Variants in ZNF469 observed in about 807,000 individuals in gnomAD.
ZNF469 encodes the protein zinc finger protein 469.
In ZNF469, 1 loss-of-function variant was observed where a neutral mutation model predicts 1.0. The ratio of observed to expected loss-of-function variants is 1.00; its 90% confidence interval spans 0.35 to 4.73. The LOEUF is 4.73. ZNF469 is among the 30% of genes most tolerant of loss of function. The pLI is 0.16. For synonymous variants in ZNF469, 2,703 were observed against 2,363.4 expected (o/e 1.14, Z -4.17); for missense variants, 6,100 against 5,356.3 (o/e 1.14, Z -4.33).
the ZNF469 span, among the ~76,000 whole-genome samples, chr16:88,283,996 G>A: frequency 3.0e-3 from 260 of 87,016 alleles, 2 homozygotes; most frequent in African/African-American, 0.015. Context: ...GAGTGTGCCC[G>A]AGGTCTGTGG....
chr16:88,282,687 AGCAGAGTCCCACAGG>A, the ZNF469 span, among the ~76,000 whole-genome samples: 1 of 152,210 alleles, frequency 6.6e-6, no homozygotes, highest in Non-Finnish European at 1.5e-5. Flanking sequence ...TGCAGTGCAG[AGCAGAGTCCCACAGG>A]GAAGAGCCTC....
the ZNF469 span, among the ~76,000 whole-genome samples, chr16:88,145,708 C>T: frequency 6.6e-6 from 1 of 152,260 alleles, no homozygotes; most frequent in Non-Finnish European, 1.5e-5. Context: ...TTCCCGATCC[C>T]AGGGGGCCTC....
At chr16:88,210,864 C>T in the ZNF469 span, among the ~76,000 whole-genome samples, 1 of 152,230 alleles carries the variant, frequency 6.6e-6, no homozygotes, top group African/African-American at 2.4e-5. Flanking sequence ...CCTCCTCCTC[C>T]ACCCCCCACC....
At chr16:88,157,367 C>G in the ZNF469 span, among the ~76,000 whole-genome samples, 3 of 152,226 alleles carry the variant, frequency 2.0e-5, no homozygotes, top group Non-Finnish European at 4.4e-5. Context: ...GGCCTGGGCT[C>G]TGAGCCTCTC....
the ZNF469 span, among the ~76,000 whole-genome samples, chr16:88,164,511 A>C: frequency 6.6e-6 from 1 of 151,800 alleles, no homozygotes; most frequent in Non-Finnish European, 1.5e-5. Flanking sequence ...TTGGATGAGC[A>C]GATGAATGTG....
intron 1 of ZNF469, among the ~76,000 whole-genome samples, chr16:88,396,889 C>A (rs1237517573): frequency 6.7e-6 from 1 of 149,206 alleles, no homozygotes; most frequent in East Asian, 2.0e-4. Context: ...TGAAGGGAGG[C>A]CGGGTGGAGA....
At chr16:88,115,651 C>A in the ZNF469 span, among the ~76,000 whole-genome samples, 1 of 149,138 alleles carries the variant, frequency 6.7e-6, no homozygotes, top group African/African-American at 2.5e-5. Flanking sequence ...AGAGGCCCGC[C>A]GAGCCGTACT....
chr16:88,336,995 G>T, the ZNF469 span, among the ~76,000 whole-genome samples: 3 of 152,188 alleles, frequency 2.0e-5, no homozygotes, highest in African/African-American at 7.2e-5. Context: ...TGTTTTCAAG[G>T]TTCCTCCACG....
At chr16:88,358,436 A>G in the ZNF469 span, among the ~76,000 whole-genome samples, 1 of 152,042 alleles carries the variant, frequency 6.6e-6, no homozygotes, top group African/African-American at 2.4e-5. Context: ...CACAACTCGA[A>G]TGTCTGTAAA....
At chr16:88,322,426 G>A in the ZNF469 span, among the ~76,000 whole-genome samples, 66 of 152,348 alleles carry the variant, frequency 4.3e-4, no homozygotes, top group African/African-American at 1.4e-3. Flanking sequence ...TGCCTGTCAC[G>A]TCAGTGTCCC....
Position 88,432,706 on chromosome 16 carries a change from G to A in ZNF469, c.5236G>A (p.Glu1746Lys). ...TTTAGCAAAGTGCAGCCCCGACCAGGAACTTTCATTTCCTAAGAATAAGGA... is the reference window on the plus strand; with the variant it reads ...TTTAGCAAAGTGCAGCCCCGACCAGAAACTTTCATTTCCTAAGAATAAGGA... ...GSLAKCSPDQ[E>K]LSFPKNKEAA... The change falls in exon 3 of 3, where the codon GAA (glutamate) becomes AAA (lysine). Residue 1746 changes from glutamate to lysine, a missense_variant. Glu to Lys is a moderately conservative substitution (Grantham distance 56). Coordinates refer to ENST00000565624, the MANE Select transcript of ZNF469 (RefSeq NM_001367624.2). The A allele has an allele frequency of 6.4e-7, 1 of 1,550,412 alleles. No individual in the cohort carries two copies. Among genetic ancestry groups the A allele is most frequent in the East Asian group, 2.4e-5 (1 of 40,928 alleles).
At chr16:88,130,082 A>G in the ZNF469 span, among the ~76,000 whole-genome samples, 2 of 152,176 alleles carry the variant, frequency 1.3e-5, no homozygotes, top group Admixed American at 1.3e-4. Flanking sequence ...ACTAAACCGA[A>G]TGCGTGGGTC....
chr16:88,110,639 C>T, the ZNF469 span, among the ~76,000 whole-genome samples: 1 of 152,218 alleles, frequency 6.6e-6, no homozygotes, highest in African/African-American at 2.4e-5. Flanking sequence ...GGGCTGCTGT[C>T]CTGCGGGTGA....
the ZNF469 span, among the ~76,000 whole-genome samples, chr16:88,247,400 ATAAG>A: frequency 2.4e-3 from 363 of 148,986 alleles, no homozygotes; most frequent in African/African-American, 8.4e-3. Flanking sequence ...CAATCAGTAA[ATAAG>A]TGAGTGAGTG....
the ZNF469 span, among the ~76,000 whole-genome samples, chr16:88,171,928 G>A: frequency 6.6e-6 from 1 of 152,224 alleles, no homozygotes; most frequent in African/African-American, 2.4e-5. Flanking sequence ...CCCTCCTGCT[G>A]CTGTAAACTA....
At chr16:88,109,287 C>T in the ZNF469 span, among the ~76,000 whole-genome samples, 1 of 152,246 alleles carries the variant, frequency 6.6e-6, no homozygotes, top group Non-Finnish European at 1.5e-5. Context: ...GCCTCTGCTG[C>T]AACCACATTG....
intron 1 of ZNF469, among the ~76,000 whole-genome samples, chr16:88,403,925 C>T (rs992296655): frequency 1.4e-4 from 21 of 152,136 alleles, no homozygotes; most frequent in Non-Finnish European, 2.4e-4. Context: ...AGCGCCCTTC[C>T]CACCAGCTCA....
chr16:88,138,004 C>G, the ZNF469 span, among the ~76,000 whole-genome samples: 1 of 152,122 alleles, frequency 6.6e-6, no homozygotes, highest in Non-Finnish European at 1.5e-5. Context: ...CTGGTGTGGC[C>G]TTCACCCCAT....
the ZNF469 span, among the ~76,000 whole-genome samples, chr16:88,143,320 G>A: frequency 2.4e-3 from 362 of 152,338 alleles, 4 homozygotes; most frequent in African/African-American, 8.2e-3. Context: ...ACGCACTCAG[G>A]GCCGTCTCCA....
Sources: gnomAD v4.1 joint callset for allele counts (sites outside exome capture counted in the v4.1 genomes callset) on GRCh38, gnomAD v4.1.1 for gene constraint, MANE v1.5 for transcripts, NCBI Gene and HGNC (gene_info 2026-07-23, HGNC 2026-07-21) for gene names.